KCNJ3: variants seen among roughly 807,000 people sequenced by gnomAD.
KCNJ3 encodes the protein G protein-activated inward rectifier potassium channel 1.
KCNJ3 carries 4 observed loss-of-function variants against 39.2 expected under a neutral mutation model. The observed-to-expected ratio is 0.10, with a 90% CI of 0.05 to 0.23. KCNJ3 has a LOEUF of 0.23. Ranked by LOEUF, KCNJ3 falls within the 10% of genes least tolerant of loss-of-function variation. The pLI, the probability that KCNJ3 is intolerant of heterozygous loss-of-function variation, is 1.00. For synonymous variants in KCNJ3, 230 were observed against 237.4 expected, an observed-to-expected ratio of 0.97 and a Z score of 0.29; for missense variants, 276 against 634.9, an observed-to-expected ratio of 0.43 and a Z score of 6.08.
chr2:154,761,033 G>A (rs1365494395), intron 2 of KCNJ3, among the ~76,000 whole-genome samples: 3 of 147,690 alleles, frequency 2.0e-5, no homozygotes, highest in Middle Eastern at 3.3e-3. Context: ...CACCGTGACC[G>A]GCCCCCTTAA....
At chr2:154,807,150 T>G (rs1449187456) in intron 2 of KCNJ3, among the ~76,000 whole-genome samples, 2 of 152,214 alleles carry the variant, frequency 1.3e-5, no homozygotes, top group Non-Finnish European at 2.9e-5. Flanking sequence ...TTCTTCCTCC[T>G]GGAAGCTCCT....
chr2:154,758,376 C>G (rs1399889395), intron 2 of KCNJ3, among the ~76,000 whole-genome samples: 1 of 152,136 alleles, frequency 6.6e-6, no homozygotes, highest in Non-Finnish European at 1.5e-5. Context: ...GAGGACCTCC[C>G]TCAGGTACCA....
chr2:154,850,487 C>T (rs1326234233), intron 2 of KCNJ3, among the ~76,000 whole-genome samples: 3 of 152,104 alleles, frequency 2.0e-5, no homozygotes, highest in Non-Finnish European at 4.4e-5. Context: ...AGTACTCTCT[C>T]AATTATATCT....
intron 1 of KCNJ3, among the ~76,000 whole-genome samples, chr2:154,703,873 T>C (rs1232512467): frequency 6.6e-6 from 1 of 152,136 alleles, no homozygotes; most frequent in Non-Finnish European, 1.5e-5. Flanking sequence ...AATGAATGTC[T>C]ATATTTGTAA....
chr2:154,780,280 C>G (rs184154178), intron 2 of KCNJ3, among the ~76,000 whole-genome samples: 21 of 152,238 alleles, frequency 1.4e-4, no homozygotes, highest in African/African-American at 5.1e-4. Flanking sequence ...CACTCTCGCA[C>G]AAGTTTATGT....
intron 2 of KCNJ3, among the ~76,000 whole-genome samples, chr2:154,822,867 T>G (rs1687208247): frequency 1.3e-5 from 2 of 151,902 alleles, no homozygotes; most frequent in Non-Finnish European, 2.9e-5. Context: ...CTAAATGCTT[T>G]TAGCTGACTA....
At chr2:154,790,790 C>T (rs574617016) in intron 2 of KCNJ3, among the ~76,000 whole-genome samples, 3 of 152,060 alleles carry the variant, frequency 2.0e-5, no homozygotes, top group South Asian at 2.1e-4. Context: ...AGCAGAAAGA[C>T]GTATGGAATA....
chr2:154,778,315 T>A (rs1312922351), intron 2 of KCNJ3, among the ~76,000 whole-genome samples: 1 of 152,226 alleles, frequency 6.6e-6, no homozygotes, highest in Non-Finnish European at 1.5e-5. Context: ...CAGTCATAGC[T>A]TATAATTTGT....
At chr2:154,732,129 T>C (rs1475595127) in intron 2 of KCNJ3, among the ~76,000 whole-genome samples, 2 of 152,128 alleles carry the variant, frequency 1.3e-5, no homozygotes, top group Non-Finnish European at 2.9e-5. Flanking sequence ...ACTTGCCTGT[T>C]AAGTTAAAAA....
rs1487355654 is a variant in KCNJ3, at chr2:154,858,239, A to G, written c.*2926A>G. ...TTGTACCTGTGTAATTATTGGTAGC[A>G]CTCCCTTTCACTCTTACAATGTCTT... On this transcript the variant is annotated 3_prime_UTR_variant, in exon 3 of 3. Transcript: ENST00000295101. 6.6e-6 allele frequency: 1 copy of G among 151,964 alleles called. No individual in the cohort carries two copies. The highest frequency in any genetic ancestry group is 1.9e-4 in the East Asian group (1 of 5,188). 9.4% of individuals were successfully genotyped at this position (151,964 alleles called of 1,614,324 possible). A position where few individuals can be genotyped will look rare whatever the true frequency, so the allele number is the denominator to read the frequency against.
intron 2 of KCNJ3, among the ~76,000 whole-genome samples, chr2:154,826,419 G>A (rs1326197150): frequency 6.6e-6 from 1 of 152,096 alleles, no homozygotes; most frequent in Non-Finnish European, 1.5e-5. Flanking sequence ...TTGTTTTCCT[G>A]TTACTTGTAT....
chr2:154,778,267 A>G (rs1182552148), intron 2 of KCNJ3, among the ~76,000 whole-genome samples: 2 of 152,172 alleles, frequency 1.3e-5, no homozygotes, highest in African/African-American at 2.4e-5. Context: ...GTATTATGTA[A>G]TAATTCATTT....
intron 2 of KCNJ3, among the ~76,000 whole-genome samples, chr2:154,760,940 T>C (rs1227871676): frequency 2.0e-5 from 3 of 151,474 alleles, no homozygotes; most frequent in Non-Finnish European, 4.4e-5. Flanking sequence ...GGTTTCAGCG[T>C]GTTAGCCAGG....
intron 2 of KCNJ3, among the ~76,000 whole-genome samples, chr2:154,769,577 G>T (rs1012712456): frequency 6.6e-6 from 1 of 152,158 alleles, no homozygotes; most frequent in African/African-American, 2.4e-5. Context: ...TGTGCTGCTG[G>T]ATTCGGTTTG....
intron 2 of KCNJ3, among the ~76,000 whole-genome samples, chr2:154,778,007 CT>C (rs1686369829): frequency 6.6e-6 from 1 of 152,116 alleles, no homozygotes; most frequent in Non-Finnish European, 1.5e-5. Flanking sequence ...CCCTAGCTAG[CT>C]TATTAATTTA....
At chr2:154,845,435 C>T (rs753132083) in intron 2 of KCNJ3, among the ~76,000 whole-genome samples, 20 of 152,056 alleles carry the variant, frequency 1.3e-4, no homozygotes, top group East Asian at 3.9e-4. Flanking sequence ...ATATCTTTTC[C>T]GATACCAGTC....
In KCNJ3 at chr2:154,858,216, G is replaced by A. The variant is rs1038981856; in HGVS notation, c.*2903G>A. ...AGGAAAATTCCAGTTTATACCTGTT[G>A]TACCTGTGTAATTATTGGTAGCACT... On this transcript the variant is annotated 3_prime_UTR_variant, in exon 3 of 3. Transcript: ENST00000295101. 1 of 152,076 alleles carries A rather than the reference G, an allele frequency of 6.6e-6. No homozygotes were observed. The highest frequency in any genetic ancestry group is 1.5e-5 in the Non-Finnish European group (1 of 68,012). The allele number at this position is 152,076 out of a possible 1,614,324, so 9.4% of individuals were successfully genotyped here.
intron 2 of KCNJ3, among the ~76,000 whole-genome samples, chr2:154,726,052 A>G (rs1243087015): frequency 6.6e-6 from 1 of 152,212 alleles, no homozygotes; most frequent in Non-Finnish European, 1.5e-5. Context: ...TGCCTTAGGA[A>G]AAGACTTCAT....
At chr2:154,774,157 G>T (rs549858264) in intron 2 of KCNJ3, among the ~76,000 whole-genome samples, 3 of 152,176 alleles carry the variant, frequency 2.0e-5, no homozygotes, top group African/African-American at 7.2e-5. Flanking sequence ...ATCATAATTA[G>T]CTTCTAGCAT....
Sources: allele counts gnomAD v4.1 joint callset (sites outside exome capture counted in the v4.1 genomes callset), GRCh38; gene constraint gnomAD v4.1.1; transcripts MANE v1.5; gene names NCBI Gene and HGNC (gene_info 2026-07-23, HGNC 2026-07-21).